ACOT12: variants seen among roughly 807,000 people sequenced by gnomAD.
ACOT12 encodes acyl-CoA thioesterase 12.
Under a neutral mutation model 67.7 loss-of-function variants are expected in ACOT12, and 51 were observed. The ratio of observed to expected loss-of-function variants is 0.75; its 90% CI spans 0.60 to 0.95. The LOEUF is 0.95. Ranked by LOEUF, ACOT12 falls within the 40% of genes least tolerant of loss-of-function variation. The pLI, the probability that ACOT12 is intolerant of heterozygous loss-of-function variation, is 0.00. For synonymous variants in ACOT12, 251 were observed against 244.6 expected (o/e 1.03, Z -0.24); for missense variants, 734 against 708.1 (o/e 1.04, Z -0.41).
chr5:81,348,118 T>C (rs1425803272), intron 5 of ACOT12, among the ~76,000 whole-genome samples, 188 bp from the exon 6 acceptor site: 4 of 152,206 alleles, frequency 2.6e-5, no homozygotes, highest in Admixed American at 2.6e-4. Flanking sequence ...ATATTTGCAA[T>C]GAATTGGGTT....
rs78768720 is a variant in ACOT12 at position 81,370,144 on chromosome 5, T to C, written c.258+1606A>G. ...AAAAATACAAAAATTAGTGGTGGCA[T>C]GCACCTGTAATCCCAGCTACTCGGG... On this transcript the variant is annotated intron_variant, in intron 3 of 14. Coordinates refer to ENST00000307624, the MANE Select transcript of ACOT12 (RefSeq NM_130767.3). 7.8e-4 allele frequency among the ~76,000 whole-genome samples: 119 copies of C among 152,106 alleles called. 1 individual carries two copies. The East Asian group carries it at 0.012, about 16-fold the overall frequency.
the ACOT12 span, among the ~76,000 whole-genome samples, chr5:81,319,419 A>C: frequency 1.3e-5 from 2 of 152,246 alleles, no homozygotes; most frequent in South Asian, 2.1e-4. Context: ...CAACACTTTC[A>C]AAAGAAATCC....
intron 2 of ACOT12, among the ~76,000 whole-genome samples, chr5:81,384,117 CTTTT>C (rs35675731): frequency 1.4e-4 from 17 of 118,724 alleles, no homozygotes; most frequent in Admixed American, 6.7e-4. Flanking sequence ...CATAGGTGTA[CTTTT>C]TTTTTTTTTT....
intron 11 of ACOT12, among the ~76,000 whole-genome samples, chr5:81,341,329 A>G (rs1759185585): frequency 6.6e-6 from 1 of 152,250 alleles, no homozygotes. Context: ...AAAGGAAACA[A>G]CCAAAAACAA....
At chr5:81,378,773 C>A (rs1263746874) in intron 2 of ACOT12, among the ~76,000 whole-genome samples, 1 of 152,150 alleles carries the variant, frequency 6.6e-6, no homozygotes, top group Non-Finnish European at 1.5e-5. Flanking sequence ...CAAATCAAAA[C>A]CACAATGAGA....
chr5:81,358,040 GAAAAAC>G (rs1464808188), intron 5 of ACOT12, among the ~76,000 whole-genome samples: 2 of 138,044 alleles, frequency 1.4e-5, no homozygotes, highest in Non-Finnish European at 3.1e-5. Flanking sequence ...AGAAGAAGAA[GAAAAAC>G]AACTGTATTT....
rs557286016 is a variant in ACOT12, at chr5:81,351,344, C to T, written c.497-3414G>A. Among the ~76,000 whole-genome samples the T allele has an allele frequency of 2.0e-5, 3 of 152,288 alleles. No individual in the cohort carries two copies. In the South Asian group the frequency reaches 6.2e-4, roughly 32 times the overall value. On this transcript the variant is annotated intron_variant, in intron 5 of 14. Transcript: ENST00000307624. ...AAAATAAATTAATACAATTATCTGA[C>T]TTCAAATTATGCTACAGAGTTGTAG...
chr5:81,325,224 C>T (rs1448266871), downstream of ACOT12, among the ~76,000 whole-genome samples: 1 of 152,158 alleles, frequency 6.6e-6, no homozygotes, highest in Non-Finnish European at 1.5e-5. Flanking sequence ...TATATTTTCT[C>T]AATGAATATT....
At chr5:81,354,804 A>G (rs1169605979) in intron 5 of ACOT12, among the ~76,000 whole-genome samples, 1 of 151,948 alleles carries the variant, frequency 6.6e-6, no homozygotes, top group Non-Finnish European at 1.5e-5. Flanking sequence ...CTTGGGTTCA[A>G]GCAATTCTCT....
At chr5:81,386,993 C>T (rs62366203) in intron 1 of ACOT12, among the ~76,000 whole-genome samples, 1 of 107,314 alleles carries the variant, frequency 9.3e-6, no homozygotes, top group African/African-American at 3.9e-5. Context: ...TGGATGAGTT[C>T]CATTTTTTTT....
intron 7 of ACOT12, 28 bp from the exon 8 acceptor site, chr5:81,345,069 C>A: frequency 6.2e-7 from 1 of 1,612,386 alleles, no homozygotes; most frequent in Non-Finnish European, 8.5e-7. Flanking sequence ...GGGCGGTGGG[C>A]AAAGAGGATC....
intron 3 of ACOT12, among the ~76,000 whole-genome samples, chr5:81,368,312 A>ATAC (rs1760144505): frequency 6.6e-6 from 1 of 152,082 alleles, no homozygotes; most frequent in Non-Finnish European, 1.5e-5. Flanking sequence ...AATAATAATA[A>ATAC]TACAGAAGAC....
At chr5:81,392,379 C>G in intron 1 of ACOT12, among the ~76,000 whole-genome samples, 1 of 152,308 alleles carries the variant, frequency 6.6e-6, no homozygotes, top group Admixed American at 6.5e-5. Context: ...CCCAAACCAA[C>G]TTTATCATAC....
At position 81,363,829 on chromosome 5, in the gene ACOT12, C is replaced by T; in HGVS notation, c.319G>A (p.Ala107Thr). Residue 107 changes from alanine to threonine, a missense_variant, in exon 4 of 15, where the codon GCT (alanine) becomes ACT (threonine). By Grantham distance (58) the Ala-to-Thr change is moderately conservative (BLOSUM62 0). Transcript: ENST00000307624. Reference protein sequence around the residue: ...LTGIEKLVSVAFSTFVAKPVG... With the variant: ...LTGIEKLVSVTFSTFVAKPVG... ...GGTTTGGCTACAAATGTGGAGAAAG[C>T]CACACTAACAAGCTTCTCAATGCCA... is the stretch of plus-strand genomic sequence containing the variant. 1 of 1,611,962 alleles carries T rather than the reference C, an allele frequency of 6.2e-7. No individual in the cohort carries two copies. Among genetic ancestry groups the T allele is most frequent in the East Asian group, 2.2e-5 (1 of 44,718 alleles).
chr5:81,324,267 G>A, the ACOT12 span, among the ~76,000 whole-genome samples: 8 of 152,170 alleles, frequency 5.3e-5, no homozygotes, highest in Non-Finnish European at 7.3e-5. Flanking sequence ...ATCCAGATGA[G>A]AGAAGATAGC....
chr5:81,323,051 C>T, the ACOT12 span, among the ~76,000 whole-genome samples: 13 of 134,862 alleles, frequency 9.6e-5, no homozygotes, highest in South Asian at 2.1e-3. Context: ...TGCAATTATA[C>T]TGAGGAAGGA....
intron 5 of ACOT12, among the ~76,000 whole-genome samples, chr5:81,348,721 C>T (rs947657618): frequency 2.6e-5 from 4 of 152,180 alleles, no homozygotes; most frequent in East Asian, 1.9e-4. Context: ...CGTGCCACCA[C>T]GCCTGGCTAA....
chr5:81,325,987 T>C (rs978880387), downstream of ACOT12, among the ~76,000 whole-genome samples: 3 of 152,052 alleles, frequency 2.0e-5, no homozygotes, highest in African/African-American at 7.2e-5. Flanking sequence ...TTTTTTCATT[T>C]TTCATAGAGA....
At position 81,363,796 on chromosome 5, in the gene ACOT12, T is replaced by G; in HGVS notation, c.352A>C (p.Lys118Gln). The change falls in exon 4 of 15, where the codon AAA becomes CAA. Residue 118 changes from lysine (K) to glutamine (Q), a missense_variant. Physicochemically the swap from Lys to Gln is moderately conservative, Grantham distance 53. Coordinates refer to ENST00000307624, the MANE Select transcript of ACOT12 (RefSeq NM_130767.3). The part of the protein sequence containing the change: ...FSTFVAKPVG[K>Q]EKIHLKPVTL... Reference sequence around the variant, plus strand: ...TCACATACAAAATTTACCTTTTCTTTTCCAACTGGTTTGGCTACAAATGTG... The same window carrying G: ...TCACATACAAAATTTACCTTTTCTTGTCCAACTGGTTTGGCTACAAATGTG... 1 of 1,609,570 alleles carries G rather than the reference T, an allele frequency of 6.2e-7. No homozygotes were observed. Among genetic ancestry groups the G allele is most frequent in the East Asian group, 2.2e-5 (1 of 44,612 alleles).
Sources: gnomAD v4.1 joint callset for allele counts (sites outside exome capture counted in the v4.1 genomes callset) on GRCh38, gnomAD v4.1.1 for gene constraint, MANE v1.5 for transcripts, NCBI Gene and HGNC (gene_info 2026-07-23, HGNC 2026-07-21) for gene names.